Variants in CLPTM1L observed in about 807,000 individuals in gnomAD.
The protein encoded by CLPTM1L is lipid scramblase CLPTM1L.
Under a neutral mutation model 70.9 loss-of-function variants are expected in CLPTM1L, and 38 were observed. That is an observed-to-expected ratio of 0.54 (90% CI 0.41 to 0.70). The LOEUF is 0.70. Among genes scored for constraint, CLPTM1L ranks in the 30% least tolerant of loss-of-function variants. CLPTM1L has a pLI of 0.00. For synonymous variants in CLPTM1L, 339 were observed against 299.9 expected, an observed-to-expected ratio of 1.13 and a Z score of -1.35; for missense variants, 652 against 705.9, an observed-to-expected ratio of 0.92 and a Z score of 0.87.
At chr5:1,321,729 G>A (rs376127397) in intron 14 of CLPTM1L, 35 bp downstream of exon 14, 183 of 1,613,802 alleles carry the variant, frequency 1.1e-4, no homozygotes, top group South Asian at 2.6e-4. Context: ...CACAGGAGAC[G>A]GGGGCCGGGC....
intron 9 of CLPTM1L, chr5:1,326,389 T>A: frequency 4.1e-6 from 1 of 242,640 alleles, no homozygotes; most frequent in South Asian, 4.8e-5. Flanking sequence ...ACACATTTCA[T>A]CCAGCTCCTC....
intron 4 of CLPTM1L, chr5:1,338,300 A>G (rs889694749): frequency 2.4e-6 from 1 of 412,960 alleles, no homozygotes; most frequent in Admixed American, 3.9e-5. Flanking sequence ...ACTGACACGG[A>G]GCAATCCCAG....
intron 9 of CLPTM1L, among the ~76,000 whole-genome samples, chr5:1,328,990 A>G (rs547750243): frequency 1.1e-4 from 17 of 151,306 alleles, no homozygotes; most frequent in Non-Finnish European, 2.4e-4. Context: ...CTCCTCCTCT[A>G]CAGAGACATT....
At chr5:1,324,907 A>G in intron 10 of CLPTM1L, 94 bp from the exon 11 acceptor site, 1 of 1,178,554 alleles carries the variant, frequency 8.5e-7, no homozygotes, top group South Asian at 1.2e-5. Flanking sequence ...ATGGCTGCAG[A>G]GCTGACCCAG....
intron 9 of CLPTM1L, among the ~76,000 whole-genome samples, chr5:1,327,797 C>G (rs1160428542): frequency 6.6e-6 from 1 of 150,884 alleles, no homozygotes; most frequent in Non-Finnish European, 1.5e-5. Context: ...AGCTCCTCCT[C>G]TACAGACACA....
At position 1,324,797 on chromosome 5, in the gene CLPTM1L, T is replaced by A; in HGVS notation, c.1163A>T (p.Glu388Val). The A allele has an allele frequency of 6.2e-7, 1 of 1,614,146 alleles. No homozygotes were observed. The highest frequency in any genetic ancestry group is 8.5e-7 in the Non-Finnish European group (1 of 1,179,986). ...MPEFQFGTYSESERKTEEYDT... is the reference protein window; with the variant it reads ...MPEFQFGTYSVSERKTEEYDT... ...GTACTCCTCGGTTTTCCTCTCAGAT[T>A]CGCTGTAAGTGCCAAACTGTTGTGA... is the stretch of plus-strand genomic sequence containing the variant. Residue 388 changes from glutamate (E) to valine (V), a missense_variant, in exon 11 of 17, where the codon GAA (glutamate) becomes GTA (valine). By Grantham distance (121) the Glu-to-Val change is moderately radical (BLOSUM62 -2). This residue lies in a region of CLPTM1L where 240 missense variants were observed against 295.0 expected (regional missense o/e 0.81). Transcript: ENST00000320895.
In CLPTM1L at chr5:1,344,343, G is replaced by T. The variant is rs31490; in HGVS notation, c.263+8C>A. On this transcript the variant is annotated splice_region_variant and intron_variant, in intron 2 of 16. Coordinates refer to ENST00000320895, the MANE Select transcript of CLPTM1L (RefSeq NM_030782.5). ...CCCTTTCACTGGCATTTTGTCCTAC[G>T]CCCATACCTTTCAAATTTGGACTCC... is the stretch of plus-strand genomic sequence containing the variant. The T allele has an allele frequency of 1.3e-5, 21 of 1,587,420 alleles. No individual in the cohort carries two copies. Among genetic ancestry groups the T allele is most frequent in the Non-Finnish European group, 1.8e-5 (21 of 1,155,876 alleles).
chr5:1,321,851 C>T lies in CLPTM1L; in HGVS notation c.1316-32G>A, dbSNP rs984019462. 2.6e-5 allele frequency: 42 copies of T among 1,597,420 alleles called. 1 individual carries two copies. The highest frequency in any genetic ancestry group is 3.3e-5 in the South Asian group (3 of 89,732). On this transcript the variant is annotated intron_variant, in intron 13 of 16. Coordinates refer to ENST00000320895, the MANE Select transcript of CLPTM1L (RefSeq NM_030782.5). ...AAAGACAGACAGCACTCACGAGGTG[C>T]GGAGGGCCGGGCTGCCACATCTACG...
At chr5:1,341,539 T>A (rs1191585445) in intron 3 of CLPTM1L, 132 bp downstream of exon 3, 13 of 691,712 alleles carry the variant, frequency 1.9e-5, no homozygotes, top group Non-Finnish European at 2.9e-5. Flanking sequence ...GCCAGTAACA[T>A]TCCAATGGCT....
Position 1,339,010 on chromosome 5 carries a change from T to C in CLPTM1L, c.454-5A>G. On this transcript the variant is annotated splice_region_variant and splice_polypyrimidine_tract_variant and intron_variant, in intron 3 of 16. Coordinates refer to ENST00000320895, the MANE Select transcript of CLPTM1L (RefSeq NM_030782.5). ...CTTCTTCTCCGCCTCGATCTGCTGT[T>C]AAGTGAGGAAAACAGAGGCCAATGC... 3.7e-6 allele frequency: 6 copies of C among 1,611,766 alleles called. No homozygotes were observed. The highest frequency in any genetic ancestry group is 5.1e-6 in the Non-Finnish European group (6 of 1,178,850).
rs771172086 is a variant in CLPTM1L, at chr5:1,338,846, G to T, written c.599+14C>A. 3.1e-6 allele frequency: 5 copies of T among 1,612,756 alleles called. No individual in the cohort carries two copies. Among genetic ancestry groups the T allele is most frequent in the Non-Finnish European group, 4.2e-6 (5 of 1,179,856 alleles). On this transcript the variant is annotated intron_variant, in intron 4 of 16. Coordinates refer to ENST00000320895, the MANE Select transcript of CLPTM1L (RefSeq NM_030782.5). Reference sequence around the variant, plus strand: ...ACCCTCCCCCCGGCGCTCCAGCTCTGGGGCCCCACTTACATCTTCATGTAC... The same window carrying T: ...ACCCTCCCCCCGGCGCTCCAGCTCTTGGGCCCCACTTACATCTTCATGTAC...
chr5:1,336,601 T>C (rs140046357), intron 5 of CLPTM1L, among the ~76,000 whole-genome samples: 2,645 of 152,308 alleles, frequency 0.017, 38 homozygotes, highest in Non-Finnish European at 0.024. Flanking sequence ...ATGGGGCATT[T>C]TAGCAGAACT....
chr5:1,335,916 C>A (rs1753548327), intron 5 of CLPTM1L, among the ~76,000 whole-genome samples: 1 of 148,302 alleles, frequency 6.7e-6, no homozygotes, highest in Admixed American at 6.7e-5. Flanking sequence ...GAGGGCTGTG[C>A]TCTAATCCAC....
intron 8 of CLPTM1L, 57 bp from the exon 9 acceptor site, chr5:1,330,440 C>G: frequency 7.0e-7 from 1 of 1,438,754 alleles, no homozygotes; most frequent in Non-Finnish European, 9.8e-7. Context: ...ACCTGTGTTC[C>G]CCAAGTCACA....
intron 15 of CLPTM1L, among the ~76,000 whole-genome samples, chr5:1,321,277 T>C (rs1752136443): frequency 6.6e-6 from 1 of 152,262 alleles, no homozygotes; most frequent in Non-Finnish European, 1.5e-5. Context: ...CCACGGCCCA[T>C]GGGGGCTTCC....
chr5:1,340,347 G>A (rs1753861681), intron 3 of CLPTM1L, among the ~76,000 whole-genome samples: 1 of 152,172 alleles, frequency 6.6e-6, no homozygotes, highest in African/African-American at 2.4e-5. Flanking sequence ...ATTACACACG[G>A]CTCTTACATG....
intron 13 of CLPTM1L, 35 bp from the exon 14 acceptor site, chr5:1,321,854 A>G (rs1375957727): frequency 6.9e-6 from 11 of 1,596,660 alleles, no homozygotes; most frequent in African/African-American, 1.3e-5. Context: ...CGAGGTGCGG[A>G]GGGCCGGGCT....
intron 3 of CLPTM1L, among the ~76,000 whole-genome samples, chr5:1,339,545 C>T (rs1753810329): frequency 7.8e-6 from 1 of 128,512 alleles, no homozygotes; most frequent in Non-Finnish European, 1.6e-5. Context: ...GAACAGATGG[C>T]CACGCACATG....
intron 7 of CLPTM1L, 27 bp downstream of exon 7, chr5:1,334,262 C>A (rs776658007): frequency 3.1e-6 from 5 of 1,587,472 alleles, no homozygotes; most frequent in Non-Finnish European, 3.5e-6. Flanking sequence ...CAAGTGCCTG[C>A]GGCAAGCCCC....
Sources: allele counts gnomAD v4.1 joint callset (sites outside exome capture counted in the v4.1 genomes callset), GRCh38; gene constraint gnomAD v4.1.1; regional missense constraint gnomAD v4.1.1; transcripts MANE v1.5; gene names NCBI Gene and HGNC (gene_info 2026-07-23, HGNC 2026-07-21).